Variants in SLC22A25 observed in about 807,000 individuals in gnomAD.
SLC22A25 encodes the protein solute carrier family 22 member 25.
SLC22A25 carries 44 observed loss-of-function variants against 45.9 expected under a neutral mutation model. That is an observed-to-expected ratio of 0.96 (90% CI 0.75 to 1.23). The LOEUF (loss-of-function observed/expected upper bound fraction) is 1.23, where lower values mean the gene tolerates loss of function less well. Among genes scored for constraint, SLC22A25 ranks in the 50% most tolerant of loss-of-function variants. The probability of loss-of-function intolerance (pLI) is 0.00; values close to 1 mark genes in which losing one functional copy is unlikely to be tolerated. For missense variants in SLC22A25, 800 were observed against 666.4 expected (o/e 1.20, Z -2.21); for synonymous variants, 283 against 238.6 (o/e 1.19, Z -1.72).
rs142990192 is a variant in SLC22A25 at position 63,172,423 on chromosome 11, A to G, written c.1071-6165T>C. On this transcript the variant is annotated intron_variant, in intron 9 of 11. Transcript: ENST00000306494. Reference sequence around the variant, plus strand: ...GACAAAGTTCTAATATCTGGAATCTACAAGGAACTAATCAAATTTACAAGA... The same window carrying G: ...GACAAAGTTCTAATATCTGGAATCTGCAAGGAACTAATCAAATTTACAAGA... Among the ~76,000 whole-genome samples, 400 of 152,302 alleles carry G rather than the reference A, an allele frequency of 2.6e-3. 5 individuals are homozygous for G. The highest frequency in any genetic ancestry group is 0.025 in the East Asian group (131 of 5,186).
At chr11:63,208,648 C>T (rs1490926194) in intron 7 of SLC22A25, among the ~76,000 whole-genome samples, 8 of 151,912 alleles carry the variant, frequency 5.3e-5, no homozygotes, top group African/African-American at 1.9e-4. Flanking sequence ...AGTCCTGGGG[C>T]AGGGGAGATG....
chr11:63,181,125 A>C (rs1490576618), intron 8 of SLC22A25, among the ~76,000 whole-genome samples: 1 of 152,122 alleles, frequency 6.6e-6, no homozygotes, highest in Admixed American at 6.6e-5. Flanking sequence ...GATGGGCCCC[A>C]AAGACCTGGT....
rs2087573982 is a variant in SLC22A25, at chr11:63,163,526, G to A, written c.*298C>T. Among the ~76,000 whole-genome samples the A allele has an allele frequency of 6.6e-6, 1 of 152,138 alleles. No individual in the cohort carries two copies. Among genetic ancestry groups the A allele is most frequent in the Non-Finnish European group, 1.5e-5 (1 of 68,034 alleles). On this transcript the variant is annotated 3_prime_UTR_variant, in exon 12 of 12. Coordinates refer to ENST00000306494, the MANE Select transcript of SLC22A25 (RefSeq NM_199352.6). ...GCTGAGGGCTCCCCAGGGATGAGAA[G>A]ATGGTGTTTGGATCCCTGCATGTTT...
rs2090034822 is a variant in SLC22A25 at position 63,229,730 on chromosome 11, C to T, written c.-78G>A. 3 of 1,408,222 alleles carry T rather than the reference C, an allele frequency of 2.1e-6. No individual in the cohort carries two copies. Among genetic ancestry groups the T allele is most frequent in the African/African-American group, 1.4e-5 (1 of 70,198 alleles). 87.2% of individuals were successfully genotyped at this position (1,408,222 alleles called of 1,614,324 possible). On this transcript the variant is annotated 5_prime_UTR_variant, in exon 4 of 12. Coordinates refer to ENST00000306494, the MANE Select transcript of SLC22A25 (RefSeq NM_199352.6). ...AGTTCAAAGAGAAAATATTTCCTTT[C>T]CTTAAATCACACTAAGTGTGTGTGT...
chr11:63,211,978 A>G (rs1383024240), intron 7 of SLC22A25, among the ~76,000 whole-genome samples: 3 of 141,956 alleles, frequency 2.1e-5, no homozygotes, highest in Non-Finnish European at 3.3e-5. Flanking sequence ...CAAGAAAAAA[A>G]CAAACAACCC....
chr11:63,220,498 G>A (rs1479743845), intron 5 of SLC22A25, among the ~76,000 whole-genome samples: 1 of 152,142 alleles, frequency 6.6e-6, no homozygotes, highest in Non-Finnish European at 1.5e-5. Context: ...TGGGTACATA[G>A]TAGGTGTGTA....
At chr11:63,188,647 A>G (rs1280494622) in intron 7 of SLC22A25, among the ~76,000 whole-genome samples, 15 of 152,034 alleles carry the variant, frequency 9.9e-5, no homozygotes, top group Admixed American at 6.6e-5. Context: ...TAGGGTGTCA[A>G]TTTTGGATCT....
chr11:63,171,569 GA>G (rs1046258583), intron 9 of SLC22A25, among the ~76,000 whole-genome samples: 24 of 152,116 alleles, frequency 1.6e-4, no homozygotes, highest in African/African-American at 5.8e-4. Flanking sequence ...TTGCTACAAA[GA>G]AAATAAAATA....
intron 1 of SLC22A25, among the ~76,000 whole-genome samples, chr11:63,239,432 AC>A (rs1162746420): frequency 2.6e-5 from 4 of 152,174 alleles, no homozygotes; most frequent in African/African-American, 9.7e-5. Context: ...AAAAGCATCA[AC>A]CTTTGATCTC....
chr11:63,180,158 C>A (rs1362264150), intron 9 of SLC22A25, among the ~76,000 whole-genome samples: 1 of 152,058 alleles, frequency 6.6e-6, no homozygotes, highest in Non-Finnish European at 1.5e-5. Flanking sequence ...GTATTTTTGT[C>A]CAGTCATTAT....
At chr11:63,193,673 G>A (rs1175025848) in intron 7 of SLC22A25, among the ~76,000 whole-genome samples, 4 of 152,230 alleles carry the variant, frequency 2.6e-5, no homozygotes, top group African/African-American at 9.6e-5. Flanking sequence ...CATCATCAAA[G>A]ATCAAAGGTA....
At chr11:63,175,737 A>T (rs1373058115) in intron 9 of SLC22A25, among the ~76,000 whole-genome samples, 19 of 151,906 alleles carry the variant, frequency 1.3e-4, no homozygotes. Context: ...TTCAGGTCTC[A>T]TGTTAAGTCT....
rs1481791758 is a variant in SLC22A25, at chr11:63,229,276, G to A, written c.377C>T (p.Ser126Phe). ...CVDGWVYDQS[S>F]FPSTIVTKWD... Reference sequence around the variant, plus strand: ...CTTAGTCACAATGGTGGAAGGGAAGGAGCTTTGGTCATATACCCAGCCATC... The same window carrying A: ...CTTAGTCACAATGGTGGAAGGGAAGAAGCTTTGGTCATATACCCAGCCATC... Residue 126 changes from serine to phenylalanine, a missense_variant, in exon 4 of 12, where the codon TCC (serine) becomes TTC (phenylalanine). Coordinates refer to ENST00000306494, the MANE Select transcript of SLC22A25 (RefSeq NM_199352.6). 1.9e-6 allele frequency: 3 copies of A among 1,546,330 alleles called. No homozygotes were observed. The African/African-American group carries it at 4.1e-5, about 21-fold the overall frequency.
chr11:63,237,234 C>T (rs2090180177), intron 3 of SLC22A25, among the ~76,000 whole-genome samples: 1 of 152,188 alleles, frequency 6.6e-6, no homozygotes, highest in South Asian at 2.1e-4. Flanking sequence ...AAAAACCCCA[C>T]TGTTGGGTAC....
chr11:63,190,934 G>A (rs531388599), intron 7 of SLC22A25, among the ~76,000 whole-genome samples: 24 of 152,292 alleles, frequency 1.6e-4, no homozygotes, highest in Admixed American at 7.8e-4. Context: ...GTACCCAGCC[G>A]TGTGAGGTGT....
chr11:63,207,710 A>G (rs1264454436), intron 7 of SLC22A25, among the ~76,000 whole-genome samples: 1 of 152,172 alleles, frequency 6.6e-6, no homozygotes, highest in Non-Finnish European at 1.5e-5. Context: ...GTGGCTAGTG[A>G]GCCTTATCTC....
intron 7 of SLC22A25, among the ~76,000 whole-genome samples, chr11:63,184,800 G>T (rs184028449): frequency 4.5e-4 from 69 of 152,200 alleles, no homozygotes; most frequent in African/African-American, 1.6e-3. Flanking sequence ...TAATAATTCT[G>T]TTTCTACAAT....
chr11:63,241,381 G>A (rs1196187243), intron 1 of SLC22A25, among the ~76,000 whole-genome samples: 4 of 152,066 alleles, frequency 2.6e-5, no homozygotes, highest in African/African-American at 4.8e-5. Context: ...ATTGGTTAGT[G>A]CTTCTCTCCT....
intron 7 of SLC22A25, among the ~76,000 whole-genome samples, chr11:63,198,051 G>A (rs1590847206): frequency 1.3e-5 from 2 of 152,106 alleles, no homozygotes; most frequent in South Asian, 2.1e-4. Context: ...TTAGAAAGGC[G>A]ATCATTAAAA....
Sources: gnomAD v4.1 joint callset for allele counts (sites outside exome capture counted in the v4.1 genomes callset) on GRCh38, gnomAD v4.1.1 for gene constraint, MANE v1.5 for transcripts, NCBI Gene and HGNC (gene_info 2026-07-23, HGNC 2026-07-21) for gene names.